The following TBC1D10A variants were observed in gnomAD, a reference collection of about 807,000 sequenced individuals.
TBC1D10A encodes EBP50-PDX interactor of 64 kDa.
Under a neutral mutation model 52.9 loss-of-function variants are expected in TBC1D10A, and 24 were observed. The observed-to-expected ratio is 0.45, with a 90% CI of 0.33 to 0.64. TBC1D10A has a LOEUF of 0.64. Among genes scored for constraint, TBC1D10A ranks in the 30% least tolerant of loss-of-function variants. The pLI is 0.02. For missense variants in TBC1D10A, 602 were observed against 687.9 expected (o/e 0.88, Z 1.40); for synonymous variants, 278 against 282.9 (o/e 0.98, Z 0.17).
chr22:30,301,882 C>T (rs1026865721), intron 2 of TBC1D10A, among the ~76,000 whole-genome samples: 2 of 152,156 alleles, frequency 1.3e-5, no homozygotes, highest in Non-Finnish European at 1.5e-5. Flanking sequence ...CTGCACTAGA[C>T]GCAAGGAAGA....
intron 1 of TBC1D10A, among the ~76,000 whole-genome samples, chr22:30,325,127 T>A (rs1468080413): frequency 6.6e-6 from 1 of 152,148 alleles, no homozygotes; most frequent in Non-Finnish European, 1.5e-5. Context: ...TGGGGAACTG[T>A]GACAAAGCAT....
chr22:30,323,811 T>C (rs1361016038), intron 1 of TBC1D10A, among the ~76,000 whole-genome samples: 1 of 151,994 alleles, frequency 6.6e-6, no homozygotes, highest in Non-Finnish European at 1.5e-5. Flanking sequence ...ACTAAAAATA[T>C]GAAAAATTAG....
At chr22:30,298,560 G>A (rs936923098) in intron 3 of TBC1D10A, 1 of 152,322 alleles carries the variant, frequency 6.6e-6, no homozygotes, top group South Asian at 2.1e-4. Flanking sequence ...CATGAGATAT[G>A]TCAACAAAGA....
At chr22:30,326,579 G>C (rs1447390973) in intron 1 of TBC1D10A, 94 bp downstream of exon 1, 2 of 1,228,476 alleles carry the variant, frequency 1.6e-6, no homozygotes, top group African/African-American at 1.6e-5. Context: ...TGCCTGGGAG[G>C]GGGACGTGTC....
chr22:30,311,713 C>A (rs1569162950), intron 1 of TBC1D10A, among the ~76,000 whole-genome samples: 1 of 152,140 alleles, frequency 6.6e-6, no homozygotes, highest in African/African-American at 2.4e-5. Flanking sequence ...AAAAGAAAAA[C>A]CAAGGTATCT....
intron 1 of TBC1D10A, among the ~76,000 whole-genome samples, chr22:30,314,405 T>C (rs1460758920): frequency 6.6e-6 from 1 of 152,196 alleles, no homozygotes; most frequent in Admixed American, 6.5e-5. Context: ...CGAGGTGATG[T>C]AGGTGAAAGC....
chr22:30,312,717 A>G (rs1930450904), intron 1 of TBC1D10A, among the ~76,000 whole-genome samples: 2 of 152,110 alleles, frequency 1.3e-5, no homozygotes, highest in East Asian at 3.9e-4. Context: ...CCCCCATTCA[A>G]TTTTGGTGCC....
intron 1 of TBC1D10A, among the ~76,000 whole-genome samples, chr22:30,318,280 C>G (rs1930578802): frequency 6.6e-6 from 1 of 152,170 alleles, no homozygotes; most frequent in East Asian, 1.9e-4. Context: ...AGTTGCCATA[C>G]CACCCTAAGG....
intron 1 of TBC1D10A, among the ~76,000 whole-genome samples, chr22:30,308,340 C>CTGCCTGCCTGCCTGCA (rs1930360342): frequency 2.6e-5 from 1 of 38,744 alleles, no homozygotes; most frequent in African/African-American, 1.4e-4. Flanking sequence ...GCATGCCTGC[C>CTGCCTGCCTGCCTGCA]TGCCTGCCTG....
intron 1 of TBC1D10A, among the ~76,000 whole-genome samples, chr22:30,314,810 C>CA (rs113564669): frequency 0.075 from 5,513 of 73,524 alleles, 343 homozygotes; most frequent in African/African-American, 0.21. Flanking sequence ...GACCCTGACT[C>CA]AAAAAAAAAA....
intron 2 of TBC1D10A, among the ~76,000 whole-genome samples, chr22:30,302,716 A>C (rs772077525): frequency 2.0e-5 from 3 of 152,222 alleles, no homozygotes; most frequent in Non-Finnish European, 4.4e-5. Context: ...TCAGCTGGGC[A>C]GGGGCAGGTC....
At chr22:30,303,314 C>A (rs12157860) in intron 2 of TBC1D10A, among the ~76,000 whole-genome samples, 2 of 145,446 alleles carry the variant, frequency 1.4e-5, no homozygotes, top group East Asian at 3.9e-4. Flanking sequence ...GATAGACAGA[C>A]AGACAGACAG....
chr22:30,322,595 T>G (rs1168815204), intron 1 of TBC1D10A, among the ~76,000 whole-genome samples: 1 of 17,228 alleles, frequency 5.8e-5, no homozygotes, highest in Non-Finnish European at 1.1e-4. Flanking sequence ...ACTTTCAGCT[T>G]TTTTTTTTTT....
At chr22:30,301,346 A>G (rs1330209049) in intron 2 of TBC1D10A, among the ~76,000 whole-genome samples, 1 of 152,216 alleles carries the variant, frequency 6.6e-6, no homozygotes, top group Admixed American at 6.5e-5. Context: ...GACCTGGGAT[A>G]AAGGGGATGG....
intron 1 of TBC1D10A, among the ~76,000 whole-genome samples, chr22:30,316,652 C>T (rs1930543931): frequency 6.6e-6 from 1 of 152,142 alleles, no homozygotes; most frequent in Middle Eastern, 3.4e-3. Context: ...GATGGGGTCT[C>T]CCTATGTTAC....
At chr22:30,312,724 T>C (rs979260547) in intron 1 of TBC1D10A, among the ~76,000 whole-genome samples, 3 of 152,138 alleles carry the variant, frequency 2.0e-5, no homozygotes, top group African/African-American at 7.2e-5. Flanking sequence ...TCAATTTTGG[T>C]GCCATCATCT....
chr22:30,294,539 G>A (rs559123370), intron 6 of TBC1D10A, among the ~76,000 whole-genome samples: 7 of 152,326 alleles, frequency 4.6e-5, no homozygotes, highest in Admixed American at 6.5e-5. Flanking sequence ...CGAAGGGAGG[G>A]AAGAACTTGG....
At chr22:30,306,516 C>A (rs999939897) in intron 1 of TBC1D10A, among the ~76,000 whole-genome samples, 2 of 152,130 alleles carry the variant, frequency 1.3e-5, no homozygotes, top group Non-Finnish European at 2.9e-5. Flanking sequence ...AACCTCAAAC[C>A]GGAACTTCAG....
Position 30,302,087 on chromosome 22 carries a change from G to A in TBC1D10A, c.309+2444C>T, listed in dbSNP as rs141599010. Among the ~76,000 whole-genome samples, 253 of 152,242 alleles carry A rather than the reference G, an allele frequency of 1.7e-3. 2 individuals carry two copies. Among genetic ancestry groups the A allele is most frequent in the African/African-American group, 5.7e-3 (236 of 41,552 alleles). On this transcript the variant is annotated intron_variant, in intron 2 of 8. Coordinates refer to ENST00000215790, the MANE Select transcript of TBC1D10A (RefSeq NM_031937.3). ...CTCCAGGAGAGCCCTGGAACACTTC[G>A]CGGGCAGCAAAGAGCTGGGAGTACA... is the stretch of plus-strand genomic sequence containing the variant.
Sources: gnomAD v4.1 joint callset for allele counts (sites outside exome capture counted in the v4.1 genomes callset) on GRCh38, gnomAD v4.1.1 for gene constraint, MANE v1.5 for transcripts, NCBI Gene and HGNC (gene_info 2026-07-23, HGNC 2026-07-21) for gene names.